The following CNTN5 variants were observed in gnomAD, a reference collection of about 807,000 sequenced individuals.
CNTN5 encodes the protein contactin-5.
A neutral mutation model predicts 129.1 loss-of-function variants in CNTN5; 77 were observed. The observed-to-expected ratio is 0.60, with a 90% confidence interval of 0.50 to 0.72. The LOEUF is 0.72. Among genes scored for constraint, CNTN5 ranks in the 30% least tolerant of loss-of-function variants. The pLI is 0.00. For missense variants in CNTN5, 1,478 were observed against 1,328.8 expected, an observed-to-expected ratio of 1.11 and a Z score of -1.75; for synonymous variants, 509 against 465.6, an observed-to-expected ratio of 1.09 and a Z score of -1.20.
chr11:99,155,833 A>C (rs4578356), intron 1 of CNTN5, among the ~76,000 whole-genome samples: 2,247 of 152,280 alleles, frequency 0.015, 65 homozygotes, highest in African/African-American at 0.052. Flanking sequence ...CTACAAATGA[A>C]GTGACACTTT....
At chr11:99,184,529 A>G (rs1458078927) in intron 1 of CNTN5, among the ~76,000 whole-genome samples, 1 of 152,068 alleles carries the variant, frequency 6.6e-6, no homozygotes. Context: ...TCTTATTGCA[A>G]CATTTTATAT....
At chr11:99,144,006 A>G (rs796503588) in intron 1 of CNTN5, among the ~76,000 whole-genome samples, 1 of 152,264 alleles carries the variant, frequency 6.6e-6, no homozygotes, top group African/African-American at 2.4e-5. Flanking sequence ...TTTTTCCCAA[A>G]CCATCATATT....
chr11:99,778,986 GT>G (rs1945220890), intron 3 of CNTN5, among the ~76,000 whole-genome samples: 1 of 151,588 alleles, frequency 6.6e-6, no homozygotes, highest in African/African-American at 2.4e-5. Context: ...AGATTATATA[GT>G]GTTTTATTTT....
chr11:100,063,468 A>G (rs1277698089), intron 10 of CNTN5, among the ~76,000 whole-genome samples: 1 of 152,024 alleles, frequency 6.6e-6, no homozygotes, highest in Admixed American at 6.6e-5. Context: ...TGTGGAATAT[A>G]TCTTGAAAGC....
intron 9 of CNTN5, among the ~76,000 whole-genome samples, chr11:100,053,573 A>C (rs538477262): frequency 1.9e-4 from 29 of 151,874 alleles, no homozygotes; most frequent in African/African-American, 6.5e-4. Context: ...GACAATACCA[A>C]GTATTTTCAA....
At chr11:99,907,236 C>A (rs76818579) in intron 6 of CNTN5, among the ~76,000 whole-genome samples, 1 of 151,998 alleles carries the variant, frequency 6.6e-6, no homozygotes, top group South Asian at 2.1e-4. Context: ...TTAGATCTTT[C>A]CAGCTTTCTC....
intron 1 of CNTN5, among the ~76,000 whole-genome samples, chr11:99,203,079 C>T (rs1449357216): frequency 2.0e-5 from 3 of 151,828 alleles, no homozygotes; most frequent in Non-Finnish European, 1.5e-5. Context: ...AGAAAGGATC[C>T]TAATGTCTGT....
At chr11:99,768,942 A>G (rs1332737958) in intron 3 of CNTN5, among the ~76,000 whole-genome samples, 1 of 152,176 alleles carries the variant, frequency 6.6e-6, no homozygotes. Flanking sequence ...TTATTATACT[A>G]TAGAACACAA....
At chr11:99,343,242 C>T (rs567857679) in intron 2 of CNTN5, among the ~76,000 whole-genome samples, 1 of 152,132 alleles carries the variant, frequency 6.6e-6, no homozygotes, top group African/African-American at 2.4e-5. Context: ...TAGACAGACA[C>T]AATATGTATG....
chr11:99,685,584 T>C (rs1953755348), intron 3 of CNTN5, among the ~76,000 whole-genome samples: 2 of 150,690 alleles, frequency 1.3e-5, no homozygotes, highest in South Asian at 4.2e-4. Flanking sequence ...TTAACAGTTG[T>C]CTAATAAAAG....
intron 1 of CNTN5, among the ~76,000 whole-genome samples, chr11:99,273,410 C>T (rs149008274): frequency 3.5e-4 from 53 of 151,786 alleles, no homozygotes; most frequent in Admixed American, 1.8e-3. Context: ...TGTATCCCAA[C>T]GGGAGGAGTC....
intron 1 of CNTN5, among the ~76,000 whole-genome samples, chr11:99,254,339 G>A (rs1194683672): frequency 1.3e-5 from 2 of 151,892 alleles, no homozygotes; most frequent in African/African-American, 2.4e-5. Flanking sequence ...TCACGAAATA[G>A]GGTGAATTCT....
chr11:99,788,118 C>T (rs1210632473), intron 3 of CNTN5, among the ~76,000 whole-genome samples: 1 of 151,912 alleles, frequency 6.6e-6, no homozygotes, highest in Non-Finnish European at 1.5e-5. Flanking sequence ...TTCAGGTGAT[C>T]TCTTCCAGTT....
At chr11:99,952,280 A>G (rs951493765) in intron 7 of CNTN5, among the ~76,000 whole-genome samples, 5 of 152,060 alleles carry the variant, frequency 3.3e-5, no homozygotes, top group Non-Finnish European at 5.9e-5. Flanking sequence ...TTAAAACCCT[A>G]TTTTTCTCCA....
chr11:100,049,146 A>G (rs1339356699), intron 9 of CNTN5, among the ~76,000 whole-genome samples: 4 of 152,146 alleles, frequency 2.6e-5, no homozygotes, highest in Non-Finnish European at 4.4e-5. Context: ...TTTTTAAAAT[A>G]TATGTGTACA....
At chr11:99,786,444 A>G (rs1945527123) in intron 3 of CNTN5, among the ~76,000 whole-genome samples, 1 of 152,220 alleles carries the variant, frequency 6.6e-6, no homozygotes, top group Admixed American at 6.5e-5. Context: ...TAATTTATAG[A>G]TTCAATGCTA....
At chr11:99,631,880 T>G (rs1379421122) in intron 3 of CNTN5, among the ~76,000 whole-genome samples, 1 of 152,172 alleles carries the variant, frequency 6.6e-6, no homozygotes, top group African/African-American at 2.4e-5. Flanking sequence ...ACAATACAAG[T>G]AGGTATTTTG....
chr11:99,530,596 G>T (rs1034094811), intron 2 of CNTN5, among the ~76,000 whole-genome samples: 6 of 152,260 alleles, frequency 3.9e-5, no homozygotes, highest in African/African-American at 1.2e-4. Flanking sequence ...TACTGATATG[G>T]GTTGGCTGTG....
At chr11:100,204,522 C>T (rs948753689) in intron 15 of CNTN5, among the ~76,000 whole-genome samples, 5 of 150,094 alleles carry the variant, frequency 3.3e-5, no homozygotes, top group African/African-American at 9.8e-5. Flanking sequence ...GTCGCCTAGG[C>T]TAAAGTACAG....
Sources: gnomAD v4.1 joint callset for allele counts (sites outside exome capture counted in the v4.1 genomes callset) on GRCh38, gnomAD v4.1.1 for gene constraint, MANE v1.5 for transcripts, NCBI Gene and HGNC (gene_info 2026-07-23, HGNC 2026-07-21) for gene names.